Variants in PTPRO observed in about 807,000 individuals in gnomAD.
The protein encoded by PTPRO is receptor-type tyrosine-protein phosphatase O.
In PTPRO, 62 loss-of-function variants were observed where a neutral mutation model predicts 145.2. That is an observed-to-expected ratio of 0.43 (90% CI 0.35 to 0.53). PTPRO has a LOEUF of 0.53. Among genes scored for constraint, PTPRO ranks in the 20% least tolerant of loss-of-function variants. The probability of loss-of-function intolerance (pLI) is 0.01; values close to 1 mark genes in which losing one functional copy is unlikely to be tolerated. For synonymous variants in PTPRO, 565 were observed against 514.7 expected, an observed-to-expected ratio of 1.10 and a Z score of -1.32; for missense variants, 1,345 against 1,482.7, an observed-to-expected ratio of 0.91 and a Z score of 1.53.
chr12:15,354,069 G>T (rs973750833), intron 1 of PTPRO, among the ~76,000 whole-genome samples: 5 of 152,184 alleles, frequency 3.3e-5, no homozygotes, highest in Admixed American at 3.3e-4. Flanking sequence ...GTTGGCTATT[G>T]TTTGTGCTGT....
chr12:15,420,709 C>T (rs11056470), intron 1 of PTPRO, among the ~76,000 whole-genome samples: 86,209 of 152,040 alleles, frequency 0.57, 24,687 homozygotes, highest in East Asian at 0.72. Context: ...AACATGGTGG[C>T]TAAATGAGTA....
At chr12:15,590,559 T>C (rs893044492) in intron 25 of PTPRO, among the ~76,000 whole-genome samples, 8 of 152,148 alleles carry the variant, frequency 5.3e-5, no homozygotes, top group Non-Finnish European at 1.2e-4. Context: ...AAGCCTAGAG[T>C]AATGGCGGCC....
chr12:15,365,491 A>G (rs1215206251), intron 1 of PTPRO, among the ~76,000 whole-genome samples: 1 of 152,104 alleles, frequency 6.6e-6, no homozygotes, highest in African/African-American at 2.4e-5. Context: ...TTATTACAGG[A>G]TAAGACCAAG....
At chr12:15,476,592 G>C (rs1344711366) in intron 1 of PTPRO, among the ~76,000 whole-genome samples, 1 of 150,936 alleles carries the variant, frequency 6.6e-6, no homozygotes, top group Non-Finnish European at 1.5e-5. Context: ...TGTCAATTTT[G>C]GCTTTTGTTG....
At chr12:15,448,339 T>TAAAAAAAGAAAAAAA (rs1940957016) in intron 1 of PTPRO, among the ~76,000 whole-genome samples, 1 of 45,020 alleles carries the variant, frequency 2.2e-5, no homozygotes, top group Non-Finnish European at 4.3e-5. Context: ...CTGTTCCTAG[T>TAAAAAAAGAAAAAAA]AAAAAAAAAA....
intron 1 of PTPRO, among the ~76,000 whole-genome samples, chr12:15,461,818 A>C (rs919221250): frequency 4.6e-5 from 7 of 151,866 alleles, no homozygotes; most frequent in Non-Finnish European, 1.0e-4. Context: ...CGCCCGCCTC[A>C]GCCTCCCAAA....
intron 22 of PTPRO, among the ~76,000 whole-genome samples, chr12:15,581,426 C>T (rs563860726): frequency 5.3e-5 from 8 of 151,894 alleles, no homozygotes; most frequent in Non-Finnish European, 7.4e-5. Flanking sequence ...CTCAGCCTCC[C>T]GAGTAGCTGG....
intron 1 of PTPRO, among the ~76,000 whole-genome samples, chr12:15,447,550 A>T (rs984595932): frequency 6.6e-6 from 1 of 152,152 alleles, no homozygotes; most frequent in Admixed American, 6.5e-5. Context: ...TAGATGTAGG[A>T]TTAAAAAAGA....
At chr12:15,400,148 G>A (rs1330027246) in intron 1 of PTPRO, among the ~76,000 whole-genome samples, 17 of 149,336 alleles carry the variant, frequency 1.1e-4, no homozygotes, top group Non-Finnish European at 3.0e-5. Context: ...GCGCCACCAC[G>A]CCCAGCTAGT....
intron 1 of PTPRO, among the ~76,000 whole-genome samples, chr12:15,442,043 T>C (rs947118160): frequency 2.6e-5 from 4 of 151,570 alleles, no homozygotes; most frequent in Middle Eastern, 3.4e-3. Flanking sequence ...AAAGACACAA[T>C]GAAAAAAAGA....
At position 15,376,792 on chromosome 12, in the gene PTPRO, T is replaced by C. The variant is rs181376528; in HGVS notation, c.75+53991T>C. Among the ~76,000 whole-genome samples the C allele has an allele frequency of 7.2e-5, 11 of 152,304 alleles. No individual in the cohort carries two copies. The East Asian group carries it at 2.1e-3, about 29-fold the overall frequency. On this transcript the variant is annotated intron_variant, in intron 1 of 26. Transcript: ENST00000281171. Reference sequence around the variant, plus strand: ...TAAATAAAGGCATTAATACCATTAATGTGGGCTCCACTCTCATAACCTAAT... The same window carrying C: ...TAAATAAAGGCATTAATACCATTAACGTGGGCTCCACTCTCATAACCTAAT...
At chr12:15,469,043 G>A (rs1190117394) in intron 1 of PTPRO, among the ~76,000 whole-genome samples, 4 of 152,194 alleles carry the variant, frequency 2.6e-5, no homozygotes, top group Non-Finnish European at 4.4e-5. Flanking sequence ...TGTGAGCTTC[G>A]TAAGTAGGCT....
chr12:15,483,277 G>T (rs1941817959), intron 1 of PTPRO, among the ~76,000 whole-genome samples: 1 of 152,142 alleles, frequency 6.6e-6, no homozygotes, highest in Admixed American at 6.5e-5. Context: ...TTCCATGGAT[G>T]ACTTTTCAGG....
chr12:15,515,987 G>GTTTTTTTTTTTTTTTTTTTTT lies in PTPRO; in HGVS notation c.1585+373_1585+374insTTTTTTTTTTTTTTTTTTTTT, dbSNP rs1387922121. On this transcript the variant is annotated intron_variant, in intron 8 of 26. Transcript: ENST00000281171. ...GTTTTGTTTGTCTGGTTTTTTTTTT[G>GTTTTTTTTTTTTTTTTTTTTT]TTTTGTTTTTTTTTTTTTTTGGAGA... is the stretch of plus-strand genomic sequence containing the variant. Among the ~76,000 whole-genome samples the GTTTTTTTTTTTTTTTTTTTTT allele has an allele frequency of 2.5e-5, 2 of 80,662 alleles. 1 individual carries two copies. The highest frequency in any genetic ancestry group is 4.7e-5 in the Non-Finnish European group (2 of 42,438). 52.9% of individuals were successfully genotyped at this position (80,662 alleles called of 152,430 possible).
intron 7 of PTPRO, among the ~76,000 whole-genome samples, chr12:15,512,837 C>T (rs1023342498): frequency 4.6e-5 from 7 of 151,714 alleles, no homozygotes; most frequent in Non-Finnish European, 1.0e-4. Context: ...CTACTAGAAA[C>T]ACAAAAATAA....
chr12:15,394,979 A>C (rs1414181892), intron 1 of PTPRO, among the ~76,000 whole-genome samples: 1 of 152,208 alleles, frequency 6.6e-6, no homozygotes, highest in Non-Finnish European at 1.5e-5. Flanking sequence ...AAAAGGCGGC[A>C]AAGAAAAACA....
chr12:15,485,339 G>A lies in PTPRO; in HGVS notation c.349+1092G>A, dbSNP rs555088733. On this transcript the variant is annotated intron_variant, in intron 2 of 26. Coordinates refer to ENST00000281171, the MANE Select transcript of PTPRO (RefSeq NM_030667.3). The stretch of plus-strand genomic sequence containing the variant: ...GAACAGATCTACTAGTTGAATTAAA[G>A]GGAGAACTTACCTGGTAAAATACTG... Among the ~76,000 whole-genome samples the A allele has an allele frequency of 4.0e-4, 61 of 152,184 alleles. 1 individual carries two copies. In the South Asian group the frequency reaches 0.01, roughly 26 times the overall value.
intron 1 of PTPRO, among the ~76,000 whole-genome samples, chr12:15,331,536 T>G (rs1866610035): frequency 1.3e-5 from 2 of 152,122 alleles, no homozygotes; most frequent in African/African-American, 4.8e-5. Flanking sequence ...TTGTCAGGAA[T>G]AAATAAGAAA....
intron 1 of PTPRO, among the ~76,000 whole-genome samples, chr12:15,349,455 C>G (rs556028788): frequency 6.6e-6 from 1 of 152,200 alleles, no homozygotes; most frequent in Non-Finnish European, 1.5e-5. Flanking sequence ...AGGGGCAACA[C>G]TGTATGCAGA....
Sources: gnomAD v4.1 joint callset for allele counts (sites outside exome capture counted in the v4.1 genomes callset) on GRCh38, gnomAD v4.1.1 for gene constraint, MANE v1.5 for transcripts, NCBI Gene and HGNC (gene_info 2026-07-23, HGNC 2026-07-21) for gene names.